The following BLTP1 variants were observed in gnomAD, a reference collection of about 807,000 sequenced individuals.
The protein encoded by BLTP1 is fragile site-associated protein.
chr4:122,257,552 T>C, the BLTP1 span: 2 of 1,501,280 alleles, frequency 1.3e-6, no homozygotes, highest in Non-Finnish European at 1.8e-6. Flanking sequence ...CTAGGGTGTT[T>C]TCTTACTCAA....
At chr4:122,194,404 T>G in the BLTP1 span, 1 of 324,608 alleles carries the variant, frequency 3.1e-6, no homozygotes, top group Admixed American at 6.5e-5. Context: ...AAATTTCACG[T>G]TAGAAAGAAA....
At chr4:122,201,391 C>T in the BLTP1 span, among the ~76,000 whole-genome samples, 1 of 152,128 alleles carries the variant, frequency 6.6e-6, no homozygotes, top group East Asian at 1.9e-4. Flanking sequence ...TTGTATCAGT[C>T]TAGTTGGAGG....
the BLTP1 span, chr4:122,229,826 T>C: frequency 2.2e-6 from 3 of 1,379,824 alleles, no homozygotes; most frequent in Non-Finnish European, 2.8e-6. Flanking sequence ...TCCTTCCATT[T>C]ATGTTTTACT....
the BLTP1 span, chr4:122,255,834 G>A: frequency 6.5e-6 from 1 of 153,344 alleles, no homozygotes; most frequent in African/African-American, 2.4e-5. Context: ...TAAAGGGGGT[G>A]TAGGTGGTTG....
At chr4:122,239,903 TGAAGG>T in the BLTP1 span, 1 of 1,613,914 alleles carries the variant, frequency 6.2e-7, no homozygotes, top group South Asian at 1.1e-5. Context: ...TTAGCAGTGA[TGAAGG>T]CCCTGGAACT....
chr4:122,290,983 T>C, the BLTP1 span: 3 of 856,902 alleles, frequency 3.5e-6, no homozygotes, highest in Non-Finnish European at 2.8e-6. Context: ...GTGGAGTTCC[T>C]AGTATCAGAC....
the BLTP1 span, chr4:122,173,256 T>A: frequency 8.2e-7 from 1 of 1,214,488 alleles, no homozygotes; most frequent in African/African-American, 1.5e-5. Flanking sequence ...AGGTCATTTA[T>A]AAAGAGAAGC....
At chr4:122,202,821 T>C in the BLTP1 span, among the ~76,000 whole-genome samples, 2 of 152,140 alleles carry the variant, frequency 1.3e-5, no homozygotes, top group South Asian at 4.1e-4. Flanking sequence ...TGCAACTGAT[T>C]TTCCTTAAAT....
the BLTP1 span, chr4:122,309,228 C>CTTTTTTTTA: frequency 6.3e-7 from 1 of 1,583,618 alleles, no homozygotes; most frequent in Non-Finnish European, 8.6e-7. Context: ...AAAAAATTGT[C>CTTTTTTTTA]ACCTTTTGTC....
chr4:122,246,605 T>A, the BLTP1 span: 1 of 1,508,206 alleles, frequency 6.6e-7, no homozygotes, highest in African/African-American at 1.4e-5. Context: ...TTAACAGTAG[T>A]TTTTCATTTT....
At chr4:122,349,548 C>T in the BLTP1 span, 1 of 1,612,592 alleles carries the variant, frequency 6.2e-7, no homozygotes, top group South Asian at 1.1e-5. This position sits in a 1 kb window ranked among gnomAD's most constrained non-coding sequence, Gnocchi z 4.5. Context: ...CTCAAGTATC[C>T]TCATGGGCAT....
chr4:122,344,320 A>T, the BLTP1 span: 7 of 1,526,628 alleles, frequency 4.6e-6, no homozygotes, highest in Non-Finnish European at 6.2e-6. Context: ...ACCTAACTAG[A>T]CAGCTGTGTG....
chr4:122,356,773 T>C, the BLTP1 span: 25 of 1,600,300 alleles, frequency 1.6e-5, no homozygotes, highest in East Asian at 5.4e-4. Context: ...GAATACTCTT[T>C]TTCTTTTAGG....
At chr4:122,179,582 T>C in the BLTP1 span, among the ~76,000 whole-genome samples, 1 of 152,046 alleles carries the variant, frequency 6.6e-6, no homozygotes, top group African/African-American at 2.4e-5. Flanking sequence ...CCTTTCATCC[T>C]CCGTACCTGT....
At chr4:122,272,227 G>A in the BLTP1 span, 3 of 1,613,210 alleles carry the variant, frequency 1.9e-6, no homozygotes, top group African/African-American at 2.7e-5. Context: ...ACAGCAGTTT[G>A]ACTAAGACTC....
chr4:122,209,140 TA>T, the BLTP1 span: 8 of 1,591,682 alleles, frequency 5.0e-6, no homozygotes, highest in Non-Finnish European at 6.8e-6. Flanking sequence ...TACTTTGGCT[TA>T]TTATAATTAT....
chr4:122,291,973 T>G, the BLTP1 span: 2 of 261,402 alleles, frequency 7.7e-6, no homozygotes, highest in East Asian at 1.8e-4. Flanking sequence ...ACAGTTTTTT[T>G]TTTTTTTTTT....
chr4:122,167,679 G>T, the BLTP1 span: 2 of 985,300 alleles, frequency 2.0e-6, no homozygotes, highest in African/African-American at 1.7e-5. Context: ...ACACCCTTAG[G>T]TGCTGCCACT....
chr4:122,301,462 G>A, the BLTP1 span: 2 of 888,604 alleles, frequency 2.3e-6, no homozygotes, highest in South Asian at 2.2e-5. Flanking sequence ...GCTTGTTATA[G>A]AAAATTTGTA....
Sources: allele counts gnomAD v4.1 joint callset (sites outside exome capture counted in the v4.1 genomes callset), GRCh38; gene constraint gnomAD v4.1.1; non-coding constraint Gnocchi (gnomAD v3.1); transcripts MANE v1.5; gene names NCBI Gene and HGNC (gene_info 2026-07-23, HGNC 2026-07-21).